The following ATP8A2 variants were observed in gnomAD, a reference collection of about 807,000 sequenced individuals.
ATP8A2 encodes ATPase phospholipid transporting 8A2.
Under a neutral mutation model 165.6 loss-of-function variants are expected in ATP8A2, and 100 were observed. The ratio of observed to expected loss-of-function variants is 0.60; its 90% CI spans 0.51 to 0.71. ATP8A2 has a LOEUF of 0.71. Ranked by LOEUF, ATP8A2 falls within the 30% of genes least tolerant of loss-of-function variation. The pLI, the probability that ATP8A2 is intolerant of heterozygous loss-of-function variation, is 0.00. For missense variants in ATP8A2, 1,227 were observed against 1,479.5 expected (o/e 0.83, Z 2.80); for synonymous variants, 543 against 548.8 (o/e 0.99, Z 0.15).
chr13:25,900,947 T>C (rs1953725392), intron 33 of ATP8A2, among the ~76,000 whole-genome samples: 1 of 152,182 alleles, frequency 6.6e-6, no homozygotes, highest in Non-Finnish European at 1.5e-5. Flanking sequence ...AGCATCTTCA[T>C]GGAGTTTGGA....
At chr13:25,550,835 T>C (rs1250099473) in intron 10 of ATP8A2, among the ~76,000 whole-genome samples, 1 of 152,230 alleles carries the variant, frequency 6.6e-6, no homozygotes, top group East Asian at 1.9e-4. Context: ...TGTATGTGTT[T>C]GTGTATGTCT....
At chr13:25,548,390 A>T (rs1221482166) in intron 10 of ATP8A2, among the ~76,000 whole-genome samples, 1 of 152,204 alleles carries the variant, frequency 6.6e-6, no homozygotes, top group Non-Finnish European at 1.5e-5. Flanking sequence ...GATGAAAGAT[A>T]AAGTTTTCTA....
At chr13:25,481,663 G>T (rs1261034019) in intron 2 of ATP8A2, among the ~76,000 whole-genome samples, 1 of 152,192 alleles carries the variant, frequency 6.6e-6, no homozygotes, top group Non-Finnish European at 1.5e-5. Context: ...GCGTAAGCAG[G>T]TGTTCGTCTT....
intron 6 of ATP8A2, among the ~76,000 whole-genome samples, chr13:25,533,637 T>C (rs2038186614): frequency 6.6e-6 from 1 of 152,260 alleles, no homozygotes; most frequent in African/African-American, 2.4e-5. Flanking sequence ...GTTTTTAGCA[T>C]TTGTGATTCT....
chr13:25,706,052 A>G (rs990300641), intron 25 of ATP8A2, among the ~76,000 whole-genome samples: 2 of 152,204 alleles, frequency 1.3e-5, no homozygotes, highest in African/African-American at 2.4e-5. Flanking sequence ...AAACTTGCAA[A>G]AGGGCTTGTA....
intron 33 of ATP8A2, among the ~76,000 whole-genome samples, chr13:25,893,972 A>T (rs1953458553): frequency 6.6e-6 from 1 of 152,168 alleles, no homozygotes; most frequent in South Asian, 2.1e-4. Context: ...AGTTTCTCCC[A>T]TTCTGTAGGA....
chr13:25,919,158 T>C (rs1251802362), intron 33 of ATP8A2, among the ~76,000 whole-genome samples: 1 of 152,232 alleles, frequency 6.6e-6, no homozygotes, highest in Non-Finnish European at 1.5e-5. Flanking sequence ...TAATATGTTC[T>C]TTTCCAAAAG....
At chr13:25,473,300 A>G (rs989026996) in intron 2 of ATP8A2, among the ~76,000 whole-genome samples, 4 of 152,232 alleles carry the variant, frequency 2.6e-5, no homozygotes, top group African/African-American at 9.6e-5. Flanking sequence ...ATTGAAGCCA[A>G]TGAATTCAGA....
chr13:25,753,978 C>A (rs539423081), intron 25 of ATP8A2, among the ~76,000 whole-genome samples: 74 of 152,356 alleles, frequency 4.9e-4, no homozygotes, highest in African/African-American at 1.6e-3. Context: ...GCACCCCTTG[C>A]ACTTAGCATG....
intron 25 of ATP8A2, among the ~76,000 whole-genome samples, chr13:25,760,088 T>C (rs185070007): frequency 4.3e-4 from 66 of 152,334 alleles, no homozygotes; most frequent in African/African-American, 1.5e-3. Flanking sequence ...CCTGTTTTTC[T>C]GAGAGCCCCT....
intron 1 of ATP8A2, among the ~76,000 whole-genome samples, chr13:25,457,957 G>C (rs2035407450): frequency 6.6e-6 from 1 of 152,194 alleles, no homozygotes; most frequent in African/African-American, 2.4e-5. Context: ...TATTTAGTGG[G>C]TTAAGACTGC....
intron 2 of ATP8A2, among the ~76,000 whole-genome samples, chr13:25,494,028 T>C (rs777616316): frequency 6.6e-6 from 1 of 151,932 alleles, no homozygotes; most frequent in African/African-American, 2.4e-5. Flanking sequence ...GTTTACTCCA[T>C]GAAATGGGGA....
intron 33 of ATP8A2, among the ~76,000 whole-genome samples, chr13:25,871,406 C>T (rs1952674738): frequency 6.6e-6 from 1 of 152,138 alleles, no homozygotes; most frequent in African/African-American, 2.4e-5. Flanking sequence ...AGGTTATCAT[C>T]ATCACAGTTC....
intron 25 of ATP8A2, among the ~76,000 whole-genome samples, chr13:25,702,048 C>T (rs2042962834): frequency 6.6e-6 from 1 of 152,088 alleles, no homozygotes; most frequent in Non-Finnish European, 1.5e-5. Context: ...AGCACTTGTA[C>T]ACTTCAGATG....
chr13:25,720,167 CTTTT>C (rs1007404557), intron 25 of ATP8A2, among the ~76,000 whole-genome samples: 3 of 117,284 alleles, frequency 2.6e-5, no homozygotes, highest in African/African-American at 7.6e-5. Flanking sequence ...TATACTTTTT[CTTTT>C]TTTTTTTTTT....
chr13:25,551,141 A>G (rs951159033), intron 10 of ATP8A2, among the ~76,000 whole-genome samples, 197 bp from the exon 11 acceptor site: 9 of 152,208 alleles, frequency 5.9e-5, no homozygotes, highest in African/African-American at 1.2e-4. Context: ...CTGGTAGAGT[A>G]TGTTGTCTTT....
intron 27 of ATP8A2, among the ~76,000 whole-genome samples, chr13:25,799,690 C>G (rs1950580330): frequency 6.6e-6 from 1 of 152,186 alleles, no homozygotes; most frequent in Non-Finnish European, 1.5e-5. Context: ...AAGGACCTTT[C>G]CCCTGAACAT....
chr13:25,945,755 GC>G (rs1955193505), intron 33 of ATP8A2, among the ~76,000 whole-genome samples: 2 of 152,162 alleles, frequency 1.3e-5, no homozygotes, highest in African/African-American at 2.4e-5. Flanking sequence ...GGATTTTTCT[GC>G]TCCGGGAAGG....
chr13:25,901,563 A>G (rs886277523), intron 33 of ATP8A2, among the ~76,000 whole-genome samples: 2 of 152,086 alleles, frequency 1.3e-5, no homozygotes, highest in Non-Finnish European at 2.9e-5. Context: ...CAAGGGCAAA[A>G]TAAAAATTTT....
Sources: gnomAD v4.1 joint callset for allele counts (sites outside exome capture counted in the v4.1 genomes callset) on GRCh38, gnomAD v4.1.1 for gene constraint, MANE v1.5 for transcripts, NCBI Gene and HGNC (gene_info 2026-07-23, HGNC 2026-07-21) for gene names.